PDZD9: variants seen among roughly 807,000 people sequenced by gnomAD.
PDZD9 encodes the protein PDZ domain-containing protein 9.
In PDZD9, 13 loss-of-function variants were observed where a neutral mutation model predicts 16.3. That is an observed-to-expected ratio of 0.80 (90% CI 0.52 to 1.27). The LOEUF is 1.27. Among genes scored for constraint, PDZD9 ranks in the 50% most tolerant of loss-of-function variants. The pLI is 0.00. For missense variants in PDZD9, 288 were observed against 310.9 expected, an observed-to-expected ratio of 0.93 and a Z score of 0.55; for synonymous variants, 120 against 111.0, an observed-to-expected ratio of 1.08 and a Z score of -0.51.
At chr16:21,994,229 G>A (rs780605508) in intron 2 of PDZD9, among the ~76,000 whole-genome samples, 22 of 152,042 alleles carry the variant, frequency 1.4e-4, no homozygotes, top group Non-Finnish European at 2.2e-4. Flanking sequence ...TCAAATCTGC[G>A]CAACCTCTGA....
downstream of PDZD9, among the ~76,000 whole-genome samples, chr16:21,979,065 G>GA (rs1898653204): frequency 6.6e-6 from 1 of 152,150 alleles, no homozygotes; most frequent in Non-Finnish European, 1.5e-5. Context: ...CTCCATCCAA[G>GA]AAGAGAACCC....
chr16:21,983,187 T>A, downstream of PDZD9: 2 of 1,609,630 alleles, frequency 1.2e-6, no homozygotes, highest in Non-Finnish European at 8.5e-7. Flanking sequence ...ATGCACACAT[T>A]ACAGGAGAGA....
the PDZD9 span, chr16:21,965,326 A>G: frequency 3.0e-6 from 4 of 1,334,176 alleles, no homozygotes; most frequent in Non-Finnish European, 4.2e-6. Flanking sequence ...AAATTTGTAT[A>G]GGCTTGTTGC....
chr16:21,980,757 A>T, downstream of PDZD9: 1 of 1,593,866 alleles, frequency 6.3e-7, no homozygotes, highest in Non-Finnish European at 8.6e-7. Context: ...TAATGATCCA[A>T]TTTCAGAAGG....
chr16:21,963,863 T>A, the PDZD9 span, among the ~76,000 whole-genome samples: 1 of 152,224 alleles, frequency 6.6e-6, no homozygotes, highest in East Asian at 1.9e-4. Context: ...GCTATTATTG[T>A]TTAGCCATCT....
the PDZD9 span, among the ~76,000 whole-genome samples, chr16:21,957,860 A>T: frequency 1.3e-5 from 2 of 152,200 alleles, no homozygotes; most frequent in Admixed American, 1.3e-4. Flanking sequence ...GCAGTTGCCC[A>T]CAACCCTTCA....
the PDZD9 span, chr16:21,972,217 C>T: frequency 2.1e-6 from 3 of 1,438,924 alleles, no homozygotes; most frequent in South Asian, 3.8e-5. Context: ...GTAAGACAAA[C>T]ACACAGAAAA....
At chr16:21,964,969 G>A in the PDZD9 span, among the ~76,000 whole-genome samples, 6 of 152,146 alleles carry the variant, frequency 3.9e-5, no homozygotes, top group African/African-American at 1.4e-4. Flanking sequence ...AGCTCCCATT[G>A]GTCCCCTGAA....
chr16:21,987,585 G>A (rs1039771395), intron 3 of PDZD9, among the ~76,000 whole-genome samples: 5 of 152,178 alleles, frequency 3.3e-5, no homozygotes. Context: ...TGTCACAGAA[G>A]CCTGGGAAGT....
the PDZD9 span, among the ~76,000 whole-genome samples, chr16:21,977,683 T>G: frequency 6.6e-6 from 1 of 152,194 alleles, no homozygotes; most frequent in Non-Finnish European, 1.5e-5. Context: ...CTTAAGACAT[T>G]TAAGTTTGAC....
At chr16:21,962,796 C>G in the PDZD9 span, 1 of 1,614,144 alleles carries the variant, frequency 6.2e-7, no homozygotes, top group East Asian at 2.2e-5. Context: ...AATGTCACCA[C>G]AGCACCAGAA....
At chr16:21,970,666 A>G in the PDZD9 span, among the ~76,000 whole-genome samples, 1 of 151,902 alleles carries the variant, frequency 6.6e-6, no homozygotes, top group African/African-American at 2.4e-5. Context: ...GCTCACTGCA[A>G]CCTCCACTTC....
chr16:21,999,354 G>T, intron 1 of PDZD9: 1 of 207,626 alleles, frequency 4.8e-6, no homozygotes. Context: ...GCTCAGAAAA[G>T]AGTGAGCTGC....
At chr16:21,964,458 G>A in the PDZD9 span, among the ~76,000 whole-genome samples, 3 of 152,112 alleles carry the variant, frequency 2.0e-5, no homozygotes, top group South Asian at 2.1e-4. Flanking sequence ...CAGCATATAC[G>A]TATATGGCCT....
downstream of PDZD9, chr16:21,982,937 C>G: frequency 1.4e-6 from 1 of 705,442 alleles, no homozygotes; most frequent in Non-Finnish European, 2.3e-6. Flanking sequence ...GCACTCCACA[C>G]TGGGTGACAG....
chr16:21,998,146 T>C (rs1899196521), intron 1 of PDZD9, among the ~76,000 whole-genome samples: 1 of 152,216 alleles, frequency 6.6e-6, no homozygotes, highest in East Asian at 1.9e-4. Context: ...CCTGAGCCTC[T>C]GGTTCCTGAG....
At chr16:21,965,733 T>A in the PDZD9 span, among the ~76,000 whole-genome samples, 11 of 152,062 alleles carry the variant, frequency 7.2e-5, no homozygotes, top group Non-Finnish European at 7.4e-5. Context: ...TACAGAAAAA[T>A]TAAAAAGTAA....
intron 1 of PDZD9, among the ~76,000 whole-genome samples, chr16:21,997,092 G>A (rs955748589): frequency 2.0e-5 from 3 of 152,166 alleles, no homozygotes; most frequent in African/African-American, 7.2e-5. Flanking sequence ...CAAAGTGCTG[G>A]CATTACAGGT....
At chr16:21,970,042 T>C in the PDZD9 span, among the ~76,000 whole-genome samples, 5 of 152,226 alleles carry the variant, frequency 3.3e-5, no homozygotes, top group East Asian at 9.7e-4. Context: ...ATTCTGGACA[T>C]TTCCTATAAA....
Sources: gnomAD v4.1 joint callset for allele counts (sites outside exome capture counted in the v4.1 genomes callset) on GRCh38, gnomAD v4.1.1 for gene constraint, MANE v1.5 for transcripts, NCBI Gene and HGNC (gene_info 2026-07-23, HGNC 2026-07-21) for gene names.